INPP5A: variants seen among roughly 807,000 people sequenced by gnomAD.
The protein encoded by INPP5A is inositol polyphosphate-5-phosphatase A.
INPP5A carries 14 observed loss-of-function variants against 65.2 expected under a neutral mutation model. The observed-to-expected ratio is 0.21, with a 90% CI of 0.14 to 0.34. INPP5A has a LOEUF of 0.34. Among genes scored for constraint, INPP5A ranks in the 10% least tolerant of loss-of-function variants. The pLI is 1.00. For missense variants in INPP5A, 431 were observed against 545.6 expected, an observed-to-expected ratio of 0.79 and a Z score of 2.09; for synonymous variants, 207 against 208.3, an observed-to-expected ratio of 0.99 and a Z score of 0.05.
intron 4 of INPP5A, among the ~76,000 whole-genome samples, chr10:132,668,848 G>T (rs1219052881): frequency 6.6e-6 from 1 of 152,114 alleles, no homozygotes; most frequent in Non-Finnish European, 1.5e-5. Flanking sequence ...GAGCTCCATC[G>T]CACGACCACC....
At chr10:132,623,561 G>T (rs2072135956) in intron 2 of INPP5A, among the ~76,000 whole-genome samples, 1 of 152,124 alleles carries the variant, frequency 6.6e-6, no homozygotes, top group South Asian at 2.1e-4. Flanking sequence ...AAACTTAAGA[G>T]AAAATCTTTT....
intron 4 of INPP5A, among the ~76,000 whole-genome samples, chr10:132,673,947 G>A (rs189554878): frequency 1.1e-4 from 16 of 152,322 alleles, no homozygotes; most frequent in African/African-American, 3.4e-4. Flanking sequence ...CTTGGTGAGC[G>A]GAAGCTCATG....
chr10:132,699,362 T>TG (rs57176794), intron 6 of INPP5A, among the ~76,000 whole-genome samples: 14,196 of 98,680 alleles, frequency 0.14, 797 homozygotes, highest in African/African-American at 0.22. Flanking sequence ...GGTGCTGGGG[T>TG]GGGGGGGGGC....
chr10:132,755,846 G>C (rs1474996194), intron 11 of INPP5A, among the ~76,000 whole-genome samples: 2 of 152,172 alleles, frequency 1.3e-5, no homozygotes, highest in Non-Finnish European at 2.9e-5. Context: ...GGAGACTGAG[G>C]AAGACTGGGG....
chr10:132,753,676 C>T lies in INPP5A; in HGVS notation c.903+3831C>T, dbSNP rs1204612713. On this transcript the variant is annotated intron_variant, in intron 11 of 15. Transcript: ENST00000368594. The surrounding 1 kb of genome is among the most constrained non-coding windows in gnomAD (Gnocchi z 5.3). The stretch of plus-strand genomic sequence containing the variant: ...TCCCAGGGCCGGGCTTGGGAGTTTC[C>T]GCAGCACCGGCCTCTTGGAGGGAGG... The T allele has an allele frequency of 2.0e-5, 3 of 152,144 alleles. No individual in the cohort carries two copies. Among genetic ancestry groups the T allele is most frequent in the African/African-American group, 7.2e-5 (3 of 41,426 alleles). The allele number at this position is 152,144 out of a possible 1,614,324, so 9.4% of individuals were successfully genotyped here.
intron 4 of INPP5A, among the ~76,000 whole-genome samples, chr10:132,668,538 G>T (rs1376967496): frequency 6.6e-6 from 1 of 152,174 alleles, no homozygotes; most frequent in Non-Finnish European, 1.5e-5. Flanking sequence ...GTTCAGTAGG[G>T]AGTGATGAAA....
chr10:132,635,825 T>C (rs61862796), intron 2 of INPP5A, among the ~76,000 whole-genome samples: 10 of 151,312 alleles, frequency 6.6e-5, no homozygotes, highest in Non-Finnish European at 1.5e-4. Context: ...AAAAAAAAAT[T>C]AGCTGGGTTT....
intron 8 of INPP5A, among the ~76,000 whole-genome samples, chr10:132,724,760 A>G (rs745470750): frequency 4.7e-5 from 7 of 148,706 alleles, no homozygotes; most frequent in Non-Finnish European, 8.9e-5. Context: ...ACAGGTGCAC[A>G]TGCCATATTC....
intron 2 of INPP5A, among the ~76,000 whole-genome samples, chr10:132,625,562 A>C (rs756283785): frequency 3.3e-4 from 50 of 152,190 alleles, no homozygotes; most frequent in Non-Finnish European, 6.3e-4. Context: ...CAGGGGTCTC[A>C]GACTGGCCGG....
At chr10:132,693,063 C>A (rs755980323) in intron 5 of INPP5A, among the ~76,000 whole-genome samples, 10 of 152,110 alleles carry the variant, frequency 6.6e-5, no homozygotes, top group Non-Finnish European at 1.2e-4. Flanking sequence ...GAAACCTGTA[C>A]TATCGTTTTA....
rs528290910 is a variant in INPP5A, at chr10:132,637,174, C to G, written c.118-8694C>G. Among the ~76,000 whole-genome samples the G allele has an allele frequency of 9.2e-5, 14 of 152,184 alleles. No homozygotes were observed. Among genetic ancestry groups the G allele is most frequent in the Non-Finnish European group, 1.8e-4 (12 of 68,026 alleles). ...CTTGTGGTTGATCCGCCCGCTGCCT[C>G]GGCCTCCCAAAGTGGTGGGATTACA... On this transcript the variant is annotated intron_variant, in intron 2 of 15. Coordinates refer to ENST00000368594, the MANE Select transcript of INPP5A (RefSeq NM_005539.5). This position sits in a 1 kb window ranked among gnomAD's most constrained non-coding sequence, Gnocchi z 4.1.
chr10:132,551,474 A>G lies in INPP5A; in HGVS notation c.75+13303A>G, dbSNP rs1020716776. 6.6e-6 allele frequency among the ~76,000 whole-genome samples: 1 copy of G among 152,194 alleles called. No individual in the cohort carries two copies. The highest frequency in any genetic ancestry group is 1.5e-5 in the Non-Finnish European group (1 of 68,024). On this transcript the variant is annotated intron_variant, in intron 1 of 15. Transcript: ENST00000368594. The surrounding 1 kb of genome is among the most constrained non-coding windows in gnomAD (Gnocchi z 5.3). ...CGCCTGGGTGCAAAGTGGACCAGCC[A>G]CTGTGGGTCATGTGGGGGGATTTGG...
At chr10:132,653,774 A>T (rs1422458076) in intron 4 of INPP5A, among the ~76,000 whole-genome samples, 3 of 152,252 alleles carry the variant, frequency 2.0e-5, no homozygotes, top group Non-Finnish European at 4.4e-5. Context: ...AATCTGTGAG[A>T]TGCCAAAATA....
intron 2 of INPP5A, among the ~76,000 whole-genome samples, chr10:132,641,704 A>G (rs1220944237): frequency 1.3e-5 from 2 of 152,216 alleles, no homozygotes; most frequent in African/African-American, 4.8e-5. Context: ...ATCTGCTGCC[A>G]TTCAGTGCCC....
chr10:132,721,204 G>A (rs1278045434), intron 8 of INPP5A, among the ~76,000 whole-genome samples: 1 of 149,762 alleles, frequency 6.7e-6, no homozygotes, highest in African/African-American at 2.5e-5. Context: ...TTCTTTCTGG[G>A]GGCGCCTTAG....
Position 132,698,424 on chromosome 10 carries a change from C to T in INPP5A, c.474+505C>T, listed in dbSNP as rs771237343. ...CTGCGTCACACGGAGAGATTAGAAT[C>T]AAAATGTGTGGAAGGCATTTGTCGT... On this transcript the variant is annotated intron_variant, in intron 6 of 15. Transcript: ENST00000368594. This position sits in a 1 kb window ranked among gnomAD's most constrained non-coding sequence, Gnocchi z 5.5. 6.6e-6 allele frequency among the ~76,000 whole-genome samples: 1 copy of T among 152,246 alleles called. No homozygotes were observed. Among genetic ancestry groups the T allele is most frequent in the African/African-American group, 2.4e-5 (1 of 41,468 alleles).
intron 8 of INPP5A, among the ~76,000 whole-genome samples, chr10:132,722,123 C>T (rs1198158470): frequency 2.0e-5 from 3 of 152,148 alleles, no homozygotes; most frequent in Admixed American, 6.5e-5. Flanking sequence ...TAATTTTATA[C>T]TGTCGATGTT....
intron 4 of INPP5A, among the ~76,000 whole-genome samples, chr10:132,653,107 C>A (rs1432122262): frequency 6.6e-6 from 1 of 152,204 alleles, no homozygotes; most frequent in Non-Finnish European, 1.5e-5. Flanking sequence ...TGGGCCCTGG[C>A]CAGAGCAGGC....
intron 8 of INPP5A, 132 bp from the exon 9 acceptor site, chr10:132,726,689 C>A: frequency 1.5e-6 from 1 of 653,724 alleles, no homozygotes. Flanking sequence ...AAGAGGCAAC[C>A]ACTGAGGTTC....
Sources: gnomAD v4.1 joint callset for allele counts (sites outside exome capture counted in the v4.1 genomes callset) on GRCh38, gnomAD v4.1.1 for gene constraint, Gnocchi (gnomAD v3.1) non-coding constraint, MANE v1.5 for transcripts, NCBI Gene and HGNC (gene_info 2026-07-23, HGNC 2026-07-21) for gene names.